RAD51B: variants seen among roughly 807,000 people sequenced by gnomAD.
RAD51B encodes DNA repair protein RAD51 homolog 2.
In RAD51B, 38 loss-of-function variants were observed where a neutral mutation model predicts 42.2. The ratio of observed to expected loss-of-function variants is 0.90; its 90% confidence interval spans 0.70 to 1.18. The LOEUF (loss-of-function observed/expected upper bound fraction) is 1.18. Ranked by LOEUF, RAD51B falls within the 50% of genes most tolerant of loss-of-function variation. The pLI is 0.00. For synonymous variants in RAD51B, 154 were observed against 145.2 expected (o/e 1.06, Z -0.43); for missense variants, 373 against 400.7 (o/e 0.93, Z 0.59).
At chr14:68,650,929 A>G (rs1892687280) in intron 11 of RAD51B, 1 of 668,810 alleles carries the variant, frequency 1.5e-6, no homozygotes, top group South Asian at 1.6e-5. Context: ...TCAGAAAATG[A>G]TATAAAGTAG....
chr14:68,152,048 TG>T (rs1177732994), intron 7 of RAD51B, among the ~76,000 whole-genome samples: 1 of 152,040 alleles, frequency 6.6e-6, no homozygotes, highest in Non-Finnish European at 1.5e-5. Context: ...TTTCTCCATT[TG>T]GTCAGGCTGG....
At chr14:67,935,805 C>G (rs193016687) in intron 7 of RAD51B, among the ~76,000 whole-genome samples, 3 of 151,948 alleles carry the variant, frequency 2.0e-5, no homozygotes, top group East Asian at 3.9e-4. Context: ...TAGGGCCTGC[C>G]GAGGACTTCA....
chr14:68,409,443 G>A (rs929296678), intron 8 of RAD51B, among the ~76,000 whole-genome samples: 5 of 152,138 alleles, frequency 3.3e-5, no homozygotes, highest in African/African-American at 4.8e-5. Flanking sequence ...AAAGCATCTG[G>A]TATTAGACAA....
At chr14:68,222,843 T>C (rs899623814) in intron 7 of RAD51B, among the ~76,000 whole-genome samples, 14 of 152,294 alleles carry the variant, frequency 9.2e-5, no homozygotes, top group African/African-American at 3.4e-4. Flanking sequence ...TCGTTATCTC[T>C]TACAGAATTT....
chr14:68,067,096 T>C (rs1307255349), intron 7 of RAD51B, among the ~76,000 whole-genome samples: 1 of 152,176 alleles, frequency 6.6e-6, no homozygotes, highest in Non-Finnish European at 1.5e-5. Context: ...CAGAGAAAAG[T>C]ACTGCTCACT....
intron 7 of RAD51B, among the ~76,000 whole-genome samples, chr14:68,130,996 A>G (rs545096809): frequency 7.2e-5 from 11 of 152,344 alleles, no homozygotes; most frequent in African/African-American, 2.4e-4. Context: ...AGGTTCTTTT[A>G]TACAAATGTA....
chr14:68,530,824 GAAAT>G (rs1445214269), intron 10 of RAD51B, among the ~76,000 whole-genome samples: 1 of 152,004 alleles, frequency 6.6e-6, no homozygotes, highest in East Asian at 1.9e-4. Flanking sequence ...AGTGGACACA[GAAAT>G]AAATAAGTTA....
chr14:67,843,594 G>A (rs970341746), intron 4 of RAD51B: 10 of 152,034 alleles, frequency 6.6e-5, no homozygotes, highest in African/African-American at 2.2e-4. Context: ...GAGGTTGCAT[G>A]TTTCCAGGAA....
At chr14:68,378,244 C>T (rs555740327) in intron 8 of RAD51B, among the ~76,000 whole-genome samples, 10 of 152,302 alleles carry the variant, frequency 6.6e-5, no homozygotes, top group African/African-American at 2.2e-4. Flanking sequence ...ACATGGGCTC[C>T]TTTTGTTTTC....
chr14:68,429,969 C>T lies in RAD51B; in HGVS notation c.957+18442C>T, dbSNP rs558803082. Among the ~76,000 whole-genome samples, 1,112 of 152,152 alleles carry T rather than the reference C, an allele frequency of 7.3e-3. 7 individuals carry two copies. The highest frequency in any genetic ancestry group is 0.025 in the African/African-American group (1,052 of 41,518). On this transcript the variant is annotated intron_variant, in intron 9 of 10. Transcript: ENST00000471583. ...CCAGTTTCAGCTTTCTACATATGGCCAGCCAGTTTTCCCAGCACCGTTTAT... is the reference window on the plus strand; with the variant it reads ...CCAGTTTCAGCTTTCTACATATGGCTAGCCAGTTTTCCCAGCACCGTTTAT...
At chr14:67,943,683 T>TC (rs772166514) in intron 7 of RAD51B, among the ~76,000 whole-genome samples, 2 of 152,190 alleles carry the variant, frequency 1.3e-5, no homozygotes, top group Non-Finnish European at 2.9e-5. Context: ...GGCATATTGA[T>TC]TAAGTACTCA....
chr14:67,823,657 A>C lies in RAD51B; in HGVS notation c.84+30A>C. The C allele has an allele frequency of 2.0e-6, 3 of 1,532,106 alleles. No homozygotes were observed. In the South Asian group the frequency reaches 3.5e-5, roughly 18 times the overall value. 94.9% of individuals were successfully genotyped at this position (1,532,106 alleles called of 1,614,324 possible). On this transcript the variant is annotated intron_variant, in intron 2 of 10. Coordinates refer to ENST00000471583, the MANE Select transcript of RAD51B (RefSeq NM_133510.4). ...ATTTTATTTAACATTTTTATTGATA[A>C]GTTTTATGCACAAGTTAACTTTATA...
chr14:68,357,276 G>T (rs1384870271), intron 8 of RAD51B, among the ~76,000 whole-genome samples: 5 of 152,162 alleles, frequency 3.3e-5, no homozygotes, highest in African/African-American at 1.2e-4. Flanking sequence ...TCCTCATCAT[G>T]TTTTGTCATG....
chr14:68,022,638 C>A (rs1436646945), intron 7 of RAD51B, among the ~76,000 whole-genome samples: 2 of 151,580 alleles, frequency 1.3e-5, no homozygotes, highest in Non-Finnish European at 1.5e-5. Context: ...GGCTGCTTGT[C>A]TCTCTTTTTT....
intron 7 of RAD51B, among the ~76,000 whole-genome samples, chr14:68,179,466 G>A (rs993819192): frequency 3.3e-5 from 5 of 152,014 alleles, no homozygotes; most frequent in South Asian, 4.2e-4. Flanking sequence ...GTTTTATTTC[G>A]GAGCTACAGA....
intron 7 of RAD51B, among the ~76,000 whole-genome samples, chr14:68,016,012 T>C (rs191633852): frequency 2.3e-4 from 35 of 152,346 alleles, no homozygotes; most frequent in Admixed American, 7.8e-4. Flanking sequence ...GTAATCATTT[T>C]GTATCTTGTT....
intron 10 of RAD51B, among the ~76,000 whole-genome samples, chr14:68,587,930 G>T (rs1890567294): frequency 6.6e-6 from 1 of 152,178 alleles, no homozygotes; most frequent in African/African-American, 2.4e-5. Flanking sequence ...AAGGCAGTGT[G>T]GTATAGATCC....
rs544546849 is a variant in RAD51B at position 68,424,619 on chromosome 14, A to G, written c.957+13092A>G. ...CTACTTGTGACTCCGTTCTGACACT[A>G]CCTTTGCCTTTTTATACCATCCTCC... On this transcript the variant is annotated intron_variant, in intron 9 of 10. Coordinates refer to ENST00000471583, the MANE Select transcript of RAD51B (RefSeq NM_133510.4). Among the ~76,000 whole-genome samples the G allele has an allele frequency of 1.4e-4, 22 of 152,174 alleles. 1 individual carries two copies. The highest frequency in any genetic ancestry group is 4.1e-4 in the South Asian group (2 of 4,820).
intron 10 of RAD51B, chr14:68,610,908 C>G (rs374239509): frequency 2.5e-5 from 16 of 631,660 alleles, no homozygotes; most frequent in Middle Eastern, 4.0e-4. Flanking sequence ...TTGTGTAACC[C>G]TGCAGGCCAT....
Sources: allele counts gnomAD v4.1 joint callset (sites outside exome capture counted in the v4.1 genomes callset), GRCh38; gene constraint gnomAD v4.1.1; transcripts MANE v1.5; gene names NCBI Gene and HGNC (gene_info 2026-07-23, HGNC 2026-07-21).